The following MON1B variants were observed in gnomAD, a reference collection of about 807,000 sequenced individuals.
MON1B encodes the protein vacuolar fusion protein MON1 homolog B.
A neutral mutation model predicts 45.1 loss-of-function variants in MON1B; 26 were observed. The ratio of observed to expected loss-of-function variants is 0.58; its 90% confidence interval spans 0.42 to 0.80. The LOEUF is 0.80. MON1B is among the 30% of genes least tolerant of loss of function. The pLI, the probability that MON1B is intolerant of heterozygous loss-of-function variation, is 0.00. For synonymous variants in MON1B, 395 were observed against 320.2 expected, an observed-to-expected ratio of 1.23 and a Z score of -2.49; for missense variants, 737 against 754.5, an observed-to-expected ratio of 0.98 and a Z score of 0.27.
At position 77,193,517 on chromosome 16, in the gene MON1B, C is replaced by T. The variant is rs1044297841; in HGVS notation, c.215C>T (p.Thr72Ile). Reference sequence around the variant, plus strand: ...CCCCAGTCAGAGGCCCTGTCAAGCACCTCTCGGCTCTGGAGTCCTGCAGCC... The same window carrying T: ...CCCCAGTCAGAGGCCCTGTCAAGCATCTCTCGGCTCTGGAGTCCTGCAGCC... ...PPPQSEALSS[T>I]SRLWSPAAPE... Residue 72 changes from threonine to isoleucine, a missense_variant, in exon 3 of 6, where the codon ACC becomes ATC. Thr to Ile is a moderately conservative substitution (Grantham distance 89). Transcript: ENST00000248248. The surrounding 1 kb of genome is among the most constrained non-coding windows in gnomAD (Gnocchi z 5.0). 3.7e-6 allele frequency: 6 copies of T among 1,611,596 alleles called. No individual in the cohort carries two copies. The highest frequency in any genetic ancestry group is 1.7e-5 in the Admixed American group (1 of 59,860).
chr16:77,195,310 G>C (rs1375397846), intron 4 of MON1B, among the ~76,000 whole-genome samples, 156 bp downstream of exon 4: 3 of 152,190 alleles, frequency 2.0e-5, no homozygotes, highest in African/African-American at 7.2e-5. Context: ...ATCAGCCACA[G>C]ACCTAAAGGA....
rs146781059 is a variant in MON1B, at chr16:77,198,118, A to C, written c.1454A>C (p.Lys485Thr). The C allele has an allele frequency of 6.8e-6, 11 of 1,613,920 alleles. No homozygotes were observed. The highest frequency in any genetic ancestry group is 2.7e-5 in the African/African-American group (2 of 74,894). ...KETLLAWVTSKFELYTCLSPL... is the reference protein window; with the variant it reads ...KETLLAWVTSTFELYTCLSPL... Reference sequence around the variant, plus strand: ...CTCCGAAACCCCCAGGTGACCTCCAAATTCGAGCTCTATACCTGCCTCAGC... The same window carrying C: ...CTCCGAAACCCCCAGGTGACCTCCACATTCGAGCTCTATACCTGCCTCAGC... Residue 485 changes from lysine (K) to threonine (T), a missense_variant, in exon 6 of 6, where the codon AAA becomes ACA. By Grantham distance (78) the Lys-to-Thr change is moderately conservative. Coordinates refer to ENST00000248248, the MANE Select transcript of MON1B (RefSeq NM_014940.4).
intron 2 of MON1B, among the ~76,000 whole-genome samples, chr16:77,192,981 G>A (rs554212424): frequency 1.3e-5 from 2 of 152,188 alleles, no homozygotes; most frequent in East Asian, 3.9e-4. Flanking sequence ...TGATAGGGTA[G>A]TAGCGGGGGT....
rs1597374941 is a variant in MON1B, at chr16:77,193,509, G to A, written c.207G>A (p.Leu69=). The A allele has an allele frequency of 1.2e-6, 2 of 1,609,084 alleles. No homozygotes were observed. Among genetic ancestry groups the A allele is most frequent in the Non-Finnish European group, 1.7e-6 (2 of 1,176,842 alleles). ...CACCACCGCCCCAGTCAGAGGCCCT[G>A]TCAAGCACCTCTCGGCTCTGGAGTC... ...SPSPPPQSEA[L]SSTSRLWSPA... The change falls in exon 3 of 6, where the codon CTG becomes CTA. Residue 69 remains leucine (L), a synonymous_variant. Transcript: ENST00000248248. This position sits in a 1 kb window ranked among gnomAD's most constrained non-coding sequence, Gnocchi z 5.0.
Position 77,191,373 on chromosome 16 carries a change from G to C in MON1B, c.-10-103G>C. ...GATGTCTCGTCCTATTGAAATCCGT[G>C]GGGAAATGAGCAGTAGGAGTGTGTC... On this transcript the variant is annotated intron_variant, in intron 1 of 5. Transcript: ENST00000248248. 3 of 1,581,720 alleles carry C rather than the reference G, an allele frequency of 1.9e-6. No homozygotes were observed. In the South Asian group the frequency reaches 3.4e-5, roughly 18 times the overall value.
chr16:77,193,103 T>G lies in MON1B; in HGVS notation c.149-348T>G, dbSNP rs976937292. ...GGAGTTAATGGGGGATCATTGAAGA[T>G]GAATAATCGTCATCCAGAGTCAATG... On this transcript the variant is annotated intron_variant, in intron 2 of 5. Coordinates refer to ENST00000248248, the MANE Select transcript of MON1B (RefSeq NM_014940.4). This position sits in a 1 kb window ranked among gnomAD's most constrained non-coding sequence, Gnocchi z 5.0. 1.3e-5 allele frequency among the ~76,000 whole-genome samples: 2 copies of G among 152,066 alleles called. No individual in the cohort carries two copies. Among genetic ancestry groups the G allele is most frequent in the African/African-American group, 2.4e-5 (1 of 41,358 alleles).
rs547810189 is a variant in MON1B at position 77,194,095 on chromosome 16, G to A, written c.476-240G>A. The A allele has an allele frequency of 3.6e-5, 22 of 606,282 alleles. No individual in the cohort carries two copies. Among genetic ancestry groups the A allele is most frequent in the East Asian group, 1.9e-4 (7 of 36,054 alleles). 37.6% of individuals were successfully genotyped at this position (606,282 alleles called of 1,614,324 possible). A position where few individuals can be genotyped will look rare whatever the true frequency, so the allele number is the denominator to read the frequency against. On this transcript the variant is annotated intron_variant, in intron 3 of 5. Coordinates refer to ENST00000248248, the MANE Select transcript of MON1B (RefSeq NM_014940.4). This position sits in a 1 kb window ranked among gnomAD's most constrained non-coding sequence, Gnocchi z 8.1. ...GTCAGCCCTTGTACCATCTCTACCC[G>A]CCTGCCCGTGGTCTTTGCTGTGTAT...
In MON1B at chr16:77,191,247, G is replaced by A. The variant is rs1321059537; in HGVS notation, c.-22G>A. On this transcript the variant is annotated 5_prime_UTR_variant, in exon 1 of 6. Transcript: ENST00000248248. ...ATGGTATCCGGCCAATTGAGATTCGGAGTTAAAACAGGTGTTTGTATATCT... is the reference window on the plus strand; with the variant it reads ...ATGGTATCCGGCCAATTGAGATTCGAAGTTAAAACAGGTGTTTGTATATCT... The A allele has an allele frequency of 2.0e-6, 3 of 1,537,852 alleles. No homozygotes were observed. In the Admixed American group the frequency reaches 5.9e-5, roughly 30 times the overall value.
Position 77,200,763 on chromosome 16 carries a change from A to C in MON1B, c.*2455A>C, listed in dbSNP as rs1279853997. The C allele has an allele frequency of 5.7e-5, 6 of 104,786 alleles. No homozygotes were observed. The highest frequency in any genetic ancestry group is 1.6e-4 in the African/African-American group (6 of 37,950). 6.5% of individuals were successfully genotyped at this position (104,786 alleles called of 1,614,324 possible). A position where few individuals can be genotyped will look rare whatever the true frequency, so the allele number is the denominator to read the frequency against. On this transcript the variant is annotated 3_prime_UTR_variant, in exon 6 of 6. Coordinates refer to ENST00000248248, the MANE Select transcript of MON1B (RefSeq NM_014940.4). ...AGAGTGAGCAAAAAAAAAAAAAAAA[A>C]AAGAAAAAACAAAAAGAAAAAAATC... is the stretch of plus-strand genomic sequence containing the variant.
rs1206897981 is a variant in MON1B, at chr16:77,191,625, A to G, written c.140A>G (p.Glu47Gly). Residue 47 changes from glutamate to glycine, a missense_variant, in exon 2 of 6, where the codon GAG becomes GGG. Transcript: ENST00000248248. Reference protein sequence around the residue: ...VPPDPEDEGLEETGSKDKDQP... With the variant: ...VPPDPEDEGLGETGSKDKDQP... Reference sequence around the variant, plus strand: ...CCGGATCCCGAAGACGAGGGCCTGGAGGAAACAGGTATGACTCCACTTAGT... The same window carrying G: ...CCGGATCCCGAAGACGAGGGCCTGGGGGAAACAGGTATGACTCCACTTAGT... 2 of 1,610,858 alleles carry G rather than the reference A, an allele frequency of 1.2e-6. No homozygotes were observed. The highest frequency in any genetic ancestry group is 1.3e-5 in the African/African-American group (1 of 74,814).
Position 77,200,224 on chromosome 16 carries a change from A to ATGTG in MON1B, c.*1922_*1925dup, listed in dbSNP as rs200853495. ...TATGTGTATTTATATGTATGTATGT[A>ATGTG]TGTGTGTGTATATATATATATATGT... On this transcript the variant is annotated 3_prime_UTR_variant, in exon 6 of 6. Transcript: ENST00000248248. The ATGTG allele has an allele frequency of 7.6e-5, 10 of 131,856 alleles. No individual in the cohort carries two copies. The highest frequency in any genetic ancestry group is 1.3e-4 in the Non-Finnish European group (8 of 62,668). 8.2% of individuals were successfully genotyped at this position (131,856 alleles called of 1,614,324 possible). A position where few individuals can be genotyped will look rare whatever the true frequency, so the allele number is the denominator to read the frequency against.
intron 2 of MON1B, among the ~76,000 whole-genome samples, chr16:77,192,155 A>G (rs12716823): frequency 0.7 from 105,870 of 152,054 alleles, 37,964 homozygotes; most frequent in African/African-American, 0.86. Context: ...TGTTCATTTG[A>G]GATTTAATGG....
chr16:77,199,341 T>G lies in MON1B; in HGVS notation c.*1033T>G. The G allele has an allele frequency of 1.9e-6, 2 of 1,067,380 alleles. No homozygotes were observed. The highest frequency in any genetic ancestry group is 2.6e-5 in the East Asian group (1 of 38,492). 66.1% of individuals were successfully genotyped at this position (1,067,380 alleles called of 1,614,324 possible). A position where few individuals can be genotyped will look rare whatever the true frequency, so the allele number is the denominator to read the frequency against. On this transcript the variant is annotated 3_prime_UTR_variant, in exon 6 of 6. Transcript: ENST00000248248. Reference sequence around the variant, plus strand: ...CAGAGCTGACTCCTGATTTAACCGCTGGCGTAACCGCGGGTTGCACGCATG... The same window carrying G: ...CAGAGCTGACTCCTGATTTAACCGCGGGCGTAACCGCGGGTTGCACGCATG...
rs2054709617 is a variant in MON1B at position 77,199,688 on chromosome 16, T to A, written c.*1380T>A. ...ACCGTTCAGCACAGTGGAGATAAAT[T>A]AACAGGCATATTCTTATCACCGAGA... On this transcript the variant is annotated 3_prime_UTR_variant, in exon 6 of 6. Coordinates refer to ENST00000248248, the MANE Select transcript of MON1B (RefSeq NM_014940.4). 1 of 573,440 alleles carries A rather than the reference T, an allele frequency of 1.7e-6. No homozygotes were observed. The highest frequency in any genetic ancestry group is 3.2e-5 in the Admixed American group (1 of 30,986). 35.5% of individuals were successfully genotyped at this position (573,440 alleles called of 1,614,324 possible).
chr16:77,199,817 A>C lies in MON1B; in HGVS notation c.*1509A>C, dbSNP rs945260205. On this transcript the variant is annotated 3_prime_UTR_variant, in exon 6 of 6. Coordinates refer to ENST00000248248, the MANE Select transcript of MON1B (RefSeq NM_014940.4). Reference sequence around the variant, plus strand: ...GTGGGGCGGTGGGGATGTTCTCATAACAATCACCGTGCTGCAGCCACCCCT... The same window carrying C: ...GTGGGGCGGTGGGGATGTTCTCATACCAATCACCGTGCTGCAGCCACCCCT... 7.4e-6 allele frequency: 2 copies of C among 269,094 alleles called. No homozygotes were observed. The highest frequency in any genetic ancestry group is 1.4e-5 in the Non-Finnish European group (2 of 143,562). 16.7% of individuals were successfully genotyped at this position (269,094 alleles called of 1,614,324 possible).
At position 77,200,291 on chromosome 16, in the gene MON1B, T is replaced by TATATACAC; in HGVS notation, c.*1984_*1985insTATACACA. The TATATACAC allele has an allele frequency of 6.3e-5, 7 of 111,428 alleles. No individual in the cohort carries two copies. The highest frequency in any genetic ancestry group is 2.4e-4 in the African/African-American group (7 of 29,726). 6.9% of individuals were successfully genotyped at this position (111,428 alleles called of 1,614,324 possible). On this transcript the variant is annotated 3_prime_UTR_variant, in exon 6 of 6. Transcript: ENST00000248248. ...ATATATGTGTATATATATATATATATACACACACTAATCAGCCGGGCGCGG... is the reference window on the plus strand; with the variant it reads ...ATATATGTGTATATATATATATATATATATACACACACACACTAATCAGCCGGGCGCGG...
intron 5 of MON1B, among the ~76,000 whole-genome samples, chr16:77,196,178 A>G (rs1288103079): frequency 6.6e-6 from 1 of 152,180 alleles, no homozygotes; most frequent in Non-Finnish European, 1.5e-5. Flanking sequence ...TCAGCTACTA[A>G]GGGAGGCCAG....
chr16:77,199,343 G>C lies in MON1B; in HGVS notation c.*1035G>C, dbSNP rs899120741. The stretch of plus-strand genomic sequence containing the variant: ...GAGCTGACTCCTGATTTAACCGCTG[G>C]CGTAACCGCGGGTTGCACGCATGCG... On this transcript the variant is annotated 3_prime_UTR_variant, in exon 6 of 6. Coordinates refer to ENST00000248248, the MANE Select transcript of MON1B (RefSeq NM_014940.4). 15 of 1,096,986 alleles carry C rather than the reference G, an allele frequency of 1.4e-5. No individual in the cohort carries two copies. Among genetic ancestry groups the C allele is most frequent in the Non-Finnish European group, 2.0e-5 (15 of 754,478 alleles). 68.0% of individuals were successfully genotyped at this position (1,096,986 alleles called of 1,614,324 possible).
intron 4 of MON1B, among the ~76,000 whole-genome samples, 185 bp from the exon 5 acceptor site, chr16:77,195,350 C>G (rs2054654899): frequency 6.6e-6 from 1 of 152,210 alleles, no homozygotes; most frequent in Admixed American, 6.5e-5. Flanking sequence ...CAGCAGGGCC[C>G]TAGTACTCAG....
Sources: allele counts gnomAD v4.1 joint callset (sites outside exome capture counted in the v4.1 genomes callset), GRCh38; gene constraint gnomAD v4.1.1; non-coding constraint Gnocchi (gnomAD v3.1); transcripts MANE v1.5; gene names NCBI Gene and HGNC (gene_info 2026-07-23, HGNC 2026-07-21).